SRGAP2: variants seen among roughly 807,000 people sequenced by gnomAD.
The protein encoded by SRGAP2 is SLIT-ROBO Rho GTPase-activating protein 2.
In SRGAP2, 15 loss-of-function variants were observed where a neutral mutation model predicts 57.2. The ratio of observed to expected loss-of-function variants is 0.26; its 90% CI spans 0.18 to 0.40. SRGAP2 has a LOEUF of 0.40. SRGAP2 is among the 10% of genes least tolerant of loss of function. The pLI, the probability that SRGAP2 is intolerant of heterozygous loss-of-function variation, is 1.00. For synonymous variants in SRGAP2, 249 were observed against 248.0 expected, an observed-to-expected ratio of 1.00 and a Z score of -0.04; for missense variants, 520 against 669.6, an observed-to-expected ratio of 0.78 and a Z score of 2.47.
intron 3 of SRGAP2, among the ~76,000 whole-genome samples, chr1:206,309,167 T>TAA (rs1334138473): frequency 3.8e-5 from 5 of 131,670 alleles, no homozygotes; most frequent in Admixed American, 7.6e-5. Flanking sequence ...CCCTGTGTCT[T>TAA]AAAAAAAAAA....
chr1:206,421,350 T>G, intron 13 of SRGAP2, 76 bp downstream of exon 13: 1 of 711,352 alleles, frequency 1.4e-6, no homozygotes. Flanking sequence ...TGAGCGCCAC[T>G]GTGTGCAGGA....
chr1:206,229,643 T>G (rs570028586), intron 2 of SRGAP2, among the ~76,000 whole-genome samples: 65 of 152,254 alleles, frequency 4.3e-4, no homozygotes, highest in African/African-American at 1.4e-3. Context: ...GAAGGACTCT[T>G]CAGCAATTAA....
At chr1:206,209,644 T>C (rs1203182093) in intron 2 of SRGAP2, among the ~76,000 whole-genome samples, 1 of 151,600 alleles carries the variant, frequency 6.6e-6, no homozygotes, top group African/African-American at 2.4e-5. Flanking sequence ...TTAGTCTTTT[T>C]ACATAGCTCT....
intron 4 of SRGAP2, among the ~76,000 whole-genome samples, chr1:206,372,887 TCTTTCTCTCTC>T (rs1310381289): frequency 1.2e-5 from 1 of 80,110 alleles, no homozygotes; most frequent in African/African-American, 5.0e-5. Context: ...TTCCTTTCTT[TCTTTCTCTCTC>T]CTTTCTTTCT....
chr1:206,455,063 T>G, intron 21 of SRGAP2, 39 bp downstream of exon 21: 1 of 780,190 alleles, frequency 1.3e-6, no homozygotes, highest in Non-Finnish European at 2.4e-6. Context: ...CCTGAATGAC[T>G]TGCAACACCC....
At chr1:206,453,165 A>C in intron 19 of SRGAP2, 35 bp from the exon 20 acceptor site, 1 of 467,794 alleles carries the variant, frequency 2.1e-6, no homozygotes, top group South Asian at 4.2e-5. Flanking sequence ...GCAGGTCCCA[A>C]GAACATGTGT....
In SRGAP2 at chr1:206,334,945, T is replaced by C. The variant is rs1378267616; in HGVS notation, c.261-7901T>C. The stretch of plus-strand genomic sequence containing the variant: ...ACTAGAGAAGAAAAAATCAAAGATA[T>C]AATTGTAGAGTTGTTCACAGGTTTT... On this transcript the variant is annotated intron_variant, in intron 3 of 22. Transcript: ENST00000573034. 1.6e-4 allele frequency among the ~76,000 whole-genome samples: 24 copies of C among 151,070 alleles called. 1 individual carries two copies. In the East Asian group the frequency reaches 4.6e-3, roughly 29 times the overall value.
At chr1:206,326,448 A>T (rs1673891062) in intron 3 of SRGAP2, among the ~76,000 whole-genome samples, 1 of 152,188 alleles carries the variant, frequency 6.6e-6, no homozygotes, top group African/African-American at 2.4e-5. Flanking sequence ...TATTCTTGTT[A>T]TGTGTTGTCT....
At chr1:206,258,415 C>G (rs1265094324) in intron 2 of SRGAP2, among the ~76,000 whole-genome samples, 5 of 151,116 alleles carry the variant, frequency 3.3e-5, no homozygotes, top group African/African-American at 9.7e-5. Context: ...AGGAGACACT[C>G]TGGCTACTGT....
In SRGAP2 at chr1:206,450,796, CA is replaced by C. The variant is rs61053182; in HGVS notation, c.2179+334del. Among the ~76,000 whole-genome samples the C allele has an allele frequency of 5.5e-3, 831 of 152,198 alleles. 4 individuals carry two copies. The highest frequency in any genetic ancestry group is 0.019 in the African/African-American group (794 of 41,510). ...AGACTCCTGCCAGACAGCTGGAGAA[CA>C]AAGTGAAGGAAAGTACATTTGAAAA... On this transcript the variant is annotated intron_variant, in intron 19 of 22. Coordinates refer to ENST00000573034, the MANE Select transcript of SRGAP2 (RefSeq NM_015326.5).
At position 206,300,928 on chromosome 1, in the gene SRGAP2, C is replaced by T. The variant is rs1308845410; in HGVS notation, c.68-2353C>T. On this transcript the variant is annotated intron_variant, in intron 2 of 22. Transcript: ENST00000573034. ...AAATTCTTGAGTGCATTACAGGGGA[C>T]TCAGAGGGACCTGACAGCCTTACTG... Among the ~76,000 whole-genome samples the T allele has an allele frequency of 1.2e-3, 176 of 150,892 alleles. 1 individual carries two copies. Among genetic ancestry groups the T allele is most frequent in the African/African-American group, 4.1e-3 (170 of 41,494 alleles).
At chr1:206,417,720 C>A (rs931143699) in intron 11 of SRGAP2, among the ~76,000 whole-genome samples, 2 of 152,054 alleles carry the variant, frequency 1.3e-5, no homozygotes, top group Non-Finnish European at 2.9e-5. Context: ...GGGCCCAGCA[C>A]AATCTTATGG....
At chr1:206,306,729 A>G (rs1230611370) in intron 3 of SRGAP2, among the ~76,000 whole-genome samples, 20 of 152,336 alleles carry the variant, frequency 1.3e-4, no homozygotes, top group Admixed American at 1.2e-3. Flanking sequence ...TTAGTTAGAT[A>G]CAGAGTTTTG....
At chr1:206,446,450 C>T (rs552865786) in intron 18 of SRGAP2, among the ~76,000 whole-genome samples, 151 bp downstream of exon 18, 2 of 152,322 alleles carry the variant, frequency 1.3e-5, no homozygotes, top group African/African-American at 4.8e-5. Context: ...CTATAGGCAG[C>T]CCCCACCTCG....
At position 206,303,857 on chromosome 1, in the gene SRGAP2, A is replaced by G. The variant is rs1244609540; in HGVS notation, c.260+384A>G. Among the ~76,000 whole-genome samples, 19 of 146,324 alleles carry G rather than the reference A, an allele frequency of 1.3e-4. No homozygotes were observed. The East Asian group carries it at 1.4e-3, about 11-fold the overall frequency. On this transcript the variant is annotated intron_variant, in intron 3 of 22. Transcript: ENST00000573034. ...GGTTAAGGGGCTTAACTCAGGGTCT[A>G]TCTTAATCTCTGTCTCTCTCTCTCT...
chr1:206,385,273 G>A (rs1175653415), intron 5 of SRGAP2, among the ~76,000 whole-genome samples: 7 of 149,838 alleles, frequency 4.7e-5, no homozygotes, highest in Admixed American at 1.3e-4. Context: ...TCTCTCAAAT[G>A]AAGTTAAGAG....
At chr1:206,437,887 C>G in intron 15 of SRGAP2, 77 bp from the exon 16 acceptor site, 1 of 761,188 alleles carries the variant, frequency 1.3e-6, no homozygotes, top group Non-Finnish European at 2.4e-6. Flanking sequence ...GCATGGTTCA[C>G]CCCTTCCCCA....
intron 2 of SRGAP2, among the ~76,000 whole-genome samples, chr1:206,227,272 T>C (rs1553305737): frequency 3.3e-5 from 5 of 152,110 alleles, no homozygotes; most frequent in African/African-American, 4.8e-5. Flanking sequence ...ATATAATAAA[T>C]GTGTATTGGA....
intron 3 of SRGAP2, among the ~76,000 whole-genome samples, chr1:206,325,926 G>C (rs1673844561): frequency 6.6e-6 from 1 of 152,186 alleles, no homozygotes; most frequent in Admixed American, 6.5e-5. Flanking sequence ...AGCATTCCAG[G>C]TGATTCTGAT....
Sources: gnomAD v4.1 joint callset for allele counts (sites outside exome capture counted in the v4.1 genomes callset) on GRCh38, gnomAD v4.1.1 for gene constraint, MANE v1.5 for transcripts, NCBI Gene and HGNC (gene_info 2026-07-23, HGNC 2026-07-21) for gene names.